FILIP1L: variants seen among roughly 807,000 people sequenced by gnomAD.
FILIP1L encodes filamin A interacting protein 1 like.
In FILIP1L, 55 loss-of-function variants were observed where a neutral mutation model predicts 96.6. The ratio of observed to expected loss-of-function variants is 0.57; its 90% CI spans 0.46 to 0.71. The LOEUF (loss-of-function observed/expected upper bound fraction) is 0.71. Among genes scored for constraint, FILIP1L ranks in the 30% least tolerant of loss-of-function variants. The probability of loss-of-function intolerance (pLI) is 0.00; values close to 1 mark genes in which losing one functional copy is unlikely to be tolerated. For missense variants in FILIP1L, 1,304 were observed against 1,321.2 expected (o/e 0.99, Z 0.20); for synonymous variants, 467 against 473.9 (o/e 0.99, Z 0.19).
intron 4 of FILIP1L, among the ~76,000 whole-genome samples, chr3:99,868,284 GT>G (rs1944619901): frequency 6.6e-6 from 1 of 152,192 alleles, no homozygotes; most frequent in Non-Finnish European, 1.5e-5. Flanking sequence ...TCCTTACAGA[GT>G]GGCTAAGGTT....
In FILIP1L at chr3:99,980,581, A is replaced by C. The variant is rs553831479; in HGVS notation, c.-10-49551T>G. On this transcript the variant is annotated intron_variant, in intron 1 of 5. Transcript: ENST00000477258. ...TGAGTTTATTACAAACTTAAGAAAAATTTAAAAATTACTGGCTTTCAGCAG... is the reference window on the plus strand; with the variant it reads ...TGAGTTTATTACAAACTTAAGAAAACTTTAAAAATTACTGGCTTTCAGCAG... Among the ~76,000 whole-genome samples the C allele has an allele frequency of 2.6e-5, 4 of 152,332 alleles. No homozygotes were observed. The South Asian group carries it at 8.3e-4, about 32-fold the overall frequency.
chr3:99,938,969 C>T (rs1166356561), intron 1 of FILIP1L, among the ~76,000 whole-genome samples: 10 of 152,114 alleles, frequency 6.6e-5, no homozygotes, highest in East Asian at 3.8e-4. Flanking sequence ...AATTGGCCTC[C>T]GTTATCTTTT....
intron 4 of FILIP1L, among the ~76,000 whole-genome samples, chr3:99,856,573 C>G (rs779165885): frequency 2.0e-5 from 3 of 152,232 alleles, no homozygotes; most frequent in Non-Finnish European, 4.4e-5. Flanking sequence ...TATCTTATTA[C>G]AGCTTTCCGT....
intron 1 of FILIP1L, among the ~76,000 whole-genome samples, chr3:99,951,871 A>G (rs1708186661): frequency 6.6e-6 from 1 of 152,228 alleles, no homozygotes; most frequent in Non-Finnish European, 1.5e-5. Flanking sequence ...GGCTGTGGCT[A>G]TGTTCCAATA....
rs138190543 is a variant in FILIP1L, at chr3:100,090,582, C to G, written c.-11+23471G>C. Among the ~76,000 whole-genome samples, 1,104 of 152,316 alleles carry G rather than the reference C, an allele frequency of 7.2e-3. 4 individuals carry two copies. The highest frequency in any genetic ancestry group is 0.01 in the African/African-American group (423 of 41,580). On this transcript the variant is annotated intron_variant, in intron 1 of 5. Transcript: ENST00000477258. ...CTGCAATCCCCTGCCTGGGCTCTTT[C>G]TCTGCAACACTAGCCTCTGCCTTTC...
At chr3:99,845,209 TTTTA>T (rs1289653437) in intron 5 of FILIP1L, among the ~76,000 whole-genome samples, 12 of 152,136 alleles carry the variant, frequency 7.9e-5, no homozygotes, top group African/African-American at 2.2e-4. Context: ...AGGATGACAA[TTTTA>T]TTTTTGTCAG....
At chr3:100,105,675 T>A (rs184327715) in intron 1 of FILIP1L, among the ~76,000 whole-genome samples, 17 of 152,292 alleles carry the variant, frequency 1.1e-4, no homozygotes, top group African/African-American at 3.8e-4. Flanking sequence ...AAAGGTGGTC[T>A]GGAAAGTAGA....
At chr3:99,842,329 A>G (rs183269155) in intron 5 of FILIP1L, among the ~76,000 whole-genome samples, 8 of 152,178 alleles carry the variant, frequency 5.3e-5, no homozygotes. Context: ...CTGGGGACTC[A>G]GGGGAAAGAG....
At chr3:100,037,591 T>C (rs1055882466) in intron 1 of FILIP1L, among the ~76,000 whole-genome samples, 1 of 152,190 alleles carries the variant, frequency 6.6e-6, no homozygotes, top group Non-Finnish European at 1.5e-5. Flanking sequence ...CAGAAATCCT[T>C]TTAGCAATCT....
intron 4 of FILIP1L, among the ~76,000 whole-genome samples, chr3:99,858,528 C>CTTT (rs1454198999): frequency 6.6e-6 from 1 of 152,114 alleles, no homozygotes; most frequent in East Asian, 1.9e-4. Context: ...CCATCATCTG[C>CTTT]TAAATAACAT....
intron 1 of FILIP1L, among the ~76,000 whole-genome samples, chr3:100,001,207 A>G (rs2107165115): frequency 6.6e-6 from 1 of 152,350 alleles, no homozygotes; most frequent in South Asian, 2.1e-4. Flanking sequence ...CAGTTCACCT[A>G]TTTAATAGTA....
intron 5 of FILIP1L, among the ~76,000 whole-genome samples, chr3:99,831,798 A>T (rs944641734): frequency 4.6e-5 from 7 of 152,242 alleles, no homozygotes; most frequent in African/African-American, 1.7e-4. Context: ...CACATTTTTA[A>T]TAAACTCTCA....
chr3:99,892,909 G>A lies in FILIP1L; in HGVS notation c.605+31321C>T, dbSNP rs144514272. The stretch of plus-strand genomic sequence containing the variant: ...GTTATCTTTTACATAAATTCTAAGC[G>A]TACTATTGGCCTGTATTTTTCTTCA... On this transcript the variant is annotated intron_variant, in intron 4 of 5. Transcript: ENST00000477258. Among the ~76,000 whole-genome samples, 710 of 152,222 alleles carry A rather than the reference G, an allele frequency of 4.7e-3. 2 individuals carry two copies. Among genetic ancestry groups the A allele is most frequent in the South Asian group, 7.7e-3 (37 of 4,820 alleles).
At chr3:99,977,617 AT>A in intron 1 of FILIP1L, among the ~76,000 whole-genome samples, 1 of 152,282 alleles carries the variant, frequency 6.6e-6, no homozygotes, top group Non-Finnish European at 1.5e-5. Flanking sequence ...AAATTAGTTG[AT>A]TTTTTTAGTA....
Position 100,114,368 on chromosome 3 carries a change from A to T in FILIP1L, c.-326T>A, listed in dbSNP as rs931120618. 2 of 152,254 alleles carry T rather than the reference A, an allele frequency of 1.3e-5. No individual in the cohort carries two copies. Among genetic ancestry groups the T allele is most frequent in the African/African-American group, 4.8e-5 (2 of 41,402 alleles). 9.4% of individuals were successfully genotyped at this position (152,254 alleles called of 1,614,324 possible). ...AGCCTTACCAAAACTCTTACCCCACAGCTTGCCAGTCTCTGTGGAAGAAAG... is the reference window on the plus strand; with the variant it reads ...AGCCTTACCAAAACTCTTACCCCACTGCTTGCCAGTCTCTGTGGAAGAAAG... On this transcript the variant is annotated 5_prime_UTR_variant, in exon 1 of 6. Coordinates refer to ENST00000477258, the MANE Select transcript of FILIP1L (RefSeq NM_001387850.1).
At chr3:100,106,203 A>G (rs2066392747) in intron 1 of FILIP1L, among the ~76,000 whole-genome samples, 1 of 152,186 alleles carries the variant, frequency 6.6e-6, no homozygotes, top group Non-Finnish European at 1.5e-5. Flanking sequence ...TGCAGCAACA[A>G]GTCAGTACAG....
rs937999797 is a variant in FILIP1L at position 99,849,255 on chromosome 3, A to G, written c.2421T>C (p.Asn807=). ...TGAGGCTCTTGTAATCAGGTGGTTC[A>G]TTGTCTACTGCTTCTGTCTGAACTT... ...SKEVQTEAVD[N]EPPDYKSLIP... is the part of the protein sequence containing the mutation. The change falls in exon 5 of 6, where the codon AAT becomes AAC. Residue 807 remains asparagine, a synonymous_variant. Transcript: ENST00000477258. 4 of 1,614,062 alleles carry G rather than the reference A, an allele frequency of 2.5e-6. No individual in the cohort carries two copies. Among genetic ancestry groups the G allele is most frequent in the Admixed American group, 3.3e-5 (2 of 60,014 alleles).
intron 1 of FILIP1L, chr3:99,964,494 G>A (rs1708588456): frequency 6.6e-6 from 1 of 152,352 alleles, no homozygotes; most frequent in Non-Finnish European, 1.5e-5. Context: ...ATCTGCTCAG[G>A]GCTCAGAGCT....
intron 4 of FILIP1L, among the ~76,000 whole-genome samples, chr3:99,867,874 CA>C (rs1170043767): frequency 1.3e-5 from 2 of 152,120 alleles, no homozygotes; most frequent in Non-Finnish European, 2.9e-5. Flanking sequence ...TTGTAGTTCA[CA>C]AGTTGTAAGT....
Sources: gnomAD v4.1 joint callset for allele counts (sites outside exome capture counted in the v4.1 genomes callset) on GRCh38, gnomAD v4.1.1 for gene constraint, MANE v1.5 for transcripts, NCBI Gene and HGNC (gene_info 2026-07-23, HGNC 2026-07-21) for gene names.